Variants in CATSPERE observed in about 807,000 individuals in gnomAD.
CATSPERE encodes the protein catsper channel auxiliary subunit epsilon, also known as cation channel sperm-associated auxiliary subunit epsilon.
In CATSPERE, 93 loss-of-function variants were observed where a neutral mutation model predicts 114.1. The observed-to-expected ratio is 0.81, with a 90% CI of 0.69 to 0.97. CATSPERE has a LOEUF of 0.97. CATSPERE is among the 50% of genes least tolerant of loss of function. The pLI is 0.00. For synonymous variants in CATSPERE, 341 were observed against 384.1 expected, an observed-to-expected ratio of 0.89 and a Z score of 1.31; for missense variants, 1,058 against 1,131.6, an observed-to-expected ratio of 0.93 and a Z score of 0.93.
chr1:244,552,659 T>G lies in CATSPERE; in HGVS notation c.874T>G (p.Leu292Val). ...DERRSVAHVI[L>V]SRDGIVFLIN... is the part of the protein sequence containing the mutation. ...AAGACGGAGTGTGGCTCATGTGATC[T>G]TATCGCGGGATGGAATCGTTTTTCT... Residue 292 changes from leucine to valine, a missense_variant, in exon 9 of 22, where the codon TTA (leucine) becomes GTA (valine). Transcript: ENST00000366534. 1.2e-6 allele frequency: 2 copies of G among 1,614,164 alleles called. No homozygotes were observed. Among genetic ancestry groups the G allele is most frequent in the Non-Finnish European group, 1.7e-6 (2 of 1,180,020 alleles).
At chr1:244,597,010 G>T (rs982550752) in intron 17 of CATSPERE, among the ~76,000 whole-genome samples, 5 of 151,946 alleles carry the variant, frequency 3.3e-5, no homozygotes, top group Non-Finnish European at 7.4e-5. Context: ...TCTGTCTAAG[G>T]CCTGTCCCTC....
At chr1:244,455,095 C>T (rs147975996) in intron 1 of CATSPERE, among the ~76,000 whole-genome samples, 1 of 152,256 alleles carries the variant, frequency 6.6e-6, no homozygotes, top group East Asian at 1.9e-4. Context: ...TCTGTAGGCT[C>T]CTTCTGGGAA....
chr1:244,540,777 A>G (rs1252855641), intron 8 of CATSPERE, among the ~76,000 whole-genome samples: 1 of 117,362 alleles, frequency 8.5e-6, no homozygotes, highest in Non-Finnish European at 1.8e-5. Context: ...TACAGTAACC[A>G]AAACAGCATG....
chr1:244,604,396 T>A (rs1048133504), intron 17 of CATSPERE, among the ~76,000 whole-genome samples: 1 of 152,256 alleles, frequency 6.6e-6, no homozygotes, highest in Non-Finnish European at 1.5e-5. Context: ...TTTGTGAGAA[T>A]GGGACAATAA....
intron 6 of CATSPERE, among the ~76,000 whole-genome samples, chr1:244,497,846 T>G (rs1673370449): frequency 6.6e-6 from 1 of 152,132 alleles, no homozygotes. Flanking sequence ...GTACCATTTT[T>G]CATCCATCAG....
chr1:244,479,607 C>G, intron 4 of CATSPERE, 110 bp from the exon 5 acceptor site: 1 of 508,218 alleles, frequency 2.0e-6, no homozygotes, highest in South Asian at 3.9e-5. Context: ...ATTCTGCTTC[C>G]TCTGATCGTG....
At chr1:244,537,974 C>G (rs72773419) in intron 8 of CATSPERE, among the ~76,000 whole-genome samples, 18,744 of 152,064 alleles carry the variant, frequency 0.12, 1,957 homozygotes, top group African/African-American at 0.28. Context: ...GTGGATTTTT[C>G]TATTTCTCTT....
intron 1 of CATSPERE, among the ~76,000 whole-genome samples, chr1:244,462,739 A>G (rs1309581013): frequency 6.6e-6 from 1 of 152,122 alleles, no homozygotes; most frequent in Non-Finnish European, 1.5e-5. Flanking sequence ...AATGTGTTTC[A>G]TTATAAAGGT....
chr1:244,582,969 A>G (rs1312884742), intron 12 of CATSPERE, among the ~76,000 whole-genome samples: 3 of 12,900 alleles, frequency 2.3e-4, no homozygotes, highest in Admixed American at 1.7e-3. Flanking sequence ...ATATATATAT[A>G]TATATATAAA....
At chr1:244,522,287 T>C (rs1677702730) in intron 8 of CATSPERE, among the ~76,000 whole-genome samples, 4 of 152,030 alleles carry the variant, frequency 2.6e-5, no homozygotes, top group African/African-American at 2.4e-5. Flanking sequence ...TTGAAACCAA[T>C]GAAAACAAAG....
At chr1:244,473,149 G>A (rs530228477) in intron 2 of CATSPERE, among the ~76,000 whole-genome samples, 3 of 151,888 alleles carry the variant, frequency 2.0e-5, no homozygotes, top group African/African-American at 7.3e-5. Flanking sequence ...CTAGATATAT[G>A]GTAGGAGTAT....
intron 5 of CATSPERE, among the ~76,000 whole-genome samples, chr1:244,487,700 T>G (rs1671322056): frequency 6.6e-6 from 1 of 151,798 alleles, no homozygotes; most frequent in African/African-American, 2.4e-5. Context: ...GGACAGGGAT[T>G]AAGGAGGGGA....
intron 19 of CATSPERE, 51 bp downstream of exon 19, chr1:244,610,377 C>A: frequency 7.4e-7 from 1 of 1,350,424 alleles, no homozygotes; most frequent in Non-Finnish European, 1.1e-6. Flanking sequence ...ACTAATCTGG[C>A]ATTTTGCTAT....
At chr1:244,525,857 C>T (rs962862685) in intron 8 of CATSPERE, among the ~76,000 whole-genome samples, 4 of 152,112 alleles carry the variant, frequency 2.6e-5, no homozygotes, top group Non-Finnish European at 4.4e-5. Flanking sequence ...TAACAGAAAA[C>T]TTGATTAATA....
chr1:244,616,806 T>C (rs1031256346), intron 19 of CATSPERE, among the ~76,000 whole-genome samples: 1 of 152,182 alleles, frequency 6.6e-6, no homozygotes, highest in African/African-American at 2.4e-5. Context: ...AGGATGTTGA[T>C]AGACAAAAGC....
chr1:244,462,538 A>G (rs1160127076), intron 1 of CATSPERE, among the ~76,000 whole-genome samples: 1 of 152,144 alleles, frequency 6.6e-6, no homozygotes, highest in Non-Finnish European at 1.5e-5. Flanking sequence ...ACATAATTTA[A>G]CTTTGTAAAT....
chr1:244,558,479 A>G (rs1286489597), intron 9 of CATSPERE, among the ~76,000 whole-genome samples: 1 of 151,890 alleles, frequency 6.6e-6, no homozygotes, highest in Non-Finnish European at 1.5e-5. Context: ...TCATCTCTTC[A>G]CTATGTTGCC....
In CATSPERE at chr1:244,560,907, A is replaced by T. The variant is rs1338047263; in HGVS notation, c.1269A>T (p.Ile423=). 4 of 1,614,086 alleles carry T rather than the reference A, an allele frequency of 2.5e-6. No individual in the cohort carries two copies. Among genetic ancestry groups the T allele is most frequent in the South Asian group, 2.2e-5 (2 of 91,072 alleles). Residue 423 remains isoleucine, a synonymous_variant, in exon 10 of 22, where the codon ATA becomes ATT. Coordinates refer to ENST00000366534, the MANE Select transcript of CATSPERE (RefSeq NM_001130957.2). ...TCACCAAAAAGATTTTCTTAGTGAT[A>T]TATAATGAAGATACAAAACAGTGGG... ...CNVTKKIFLV[I]YNEDTKQWVS...
upstream of CATSPERE, among the ~76,000 whole-genome samples, chr1:244,456,419 G>A (rs903220734): frequency 2.0e-5 from 3 of 152,066 alleles, no homozygotes; most frequent in Non-Finnish European, 4.4e-5. Flanking sequence ...TCTCTGGTGT[G>A]TGATGTTTAT....
Sources: allele counts gnomAD v4.1 joint callset (sites outside exome capture counted in the v4.1 genomes callset), GRCh38; gene constraint gnomAD v4.1.1; transcripts MANE v1.5; gene names NCBI Gene and HGNC (gene_info 2026-07-23, HGNC 2026-07-21).